Variants in SMARCC1 observed in about 807,000 individuals in gnomAD.
The protein encoded by SMARCC1 is SWI/SNF related BAF chromatin remodeling complex subunit C1, also known as SWI/SNF complex subunit SMARCC1.
Under a neutral mutation model 147.4 loss-of-function variants are expected in SMARCC1, and 43 were observed. The ratio of observed to expected loss-of-function variants is 0.29; its 90% confidence interval spans 0.23 to 0.38. The LOEUF (loss-of-function observed/expected upper bound fraction) is 0.38, where lower values mean the gene tolerates loss of function less well. Ranked by LOEUF, SMARCC1 falls within the 10% of genes least tolerant of loss-of-function variation. The probability of loss-of-function intolerance (pLI) is 1.00; values close to 1 mark genes in which losing one functional copy is unlikely to be tolerated. For missense variants in SMARCC1, 1,119 were observed against 1,381.1 expected (o/e 0.81, Z 3.01); for synonymous variants, 495 against 484.4 (o/e 1.02, Z -0.29).
chr3:47,610,115 G>A lies in SMARCC1; in HGVS notation c.2994C>T (p.Pro998=), dbSNP rs772248596. Reference sequence around the variant, plus strand: ...GCATCTGGTGGTGCATCAGAGGGTAGGGAGGGGGCTGTTGATGAGGCATCA... The same window carrying A: ...GCATCTGGTGGTGCATCAGAGGGTAAGGAGGGGGCTGTTGATGAGGCATCA... The part of the protein sequence containing the change: ...PGMMPHQQPP[P]YPLMHHQMPP... Residue 998 remains proline, a synonymous_variant, in exon 26 of 28, where the codon CCC becomes CCT. Transcript: ENST00000254480. 6.2e-7 allele frequency: 1 copy of A among 1,613,384 alleles called. No homozygotes were observed. The highest frequency in any genetic ancestry group is 8.5e-7 in the Non-Finnish European group (1 of 1,180,014).
rs2033897417 is a variant in SMARCC1, at chr3:47,699,944, C to A, written c.1165+1334G>T. On this transcript the variant is annotated intron_variant, in intron 11 of 27. Transcript: ENST00000254480. ...ATACTCTTTTCTGTCTGTCACTGTA[C>A]AAGTTTAGGGCAGGAGAGATGGTTA... Among the ~76,000 whole-genome samples the A allele has an allele frequency of 5.3e-5, 8 of 151,790 alleles. No homozygotes were observed. In the South Asian group the frequency reaches 8.3e-4, roughly 16 times the overall value.
intron 13 of SMARCC1, among the ~76,000 whole-genome samples, chr3:47,686,809 A>T (rs1559645102): frequency 1.3e-5 from 2 of 152,126 alleles, no homozygotes. Flanking sequence ...ACATAGTCAG[A>T]CTTTGTCTCT....
At chr3:47,740,986 T>C (rs967859665) in intron 3 of SMARCC1, among the ~76,000 whole-genome samples, 1 of 151,722 alleles carries the variant, frequency 6.6e-6, no homozygotes, top group Non-Finnish European at 1.5e-5. Flanking sequence ...AACAACCAGA[T>C]ATTGTATACC....
At chr3:47,761,997 G>C (rs2034779580) in intron 2 of SMARCC1, among the ~76,000 whole-genome samples, 1 of 152,020 alleles carries the variant, frequency 6.6e-6, no homozygotes, top group Non-Finnish European at 1.5e-5. Context: ...GACCAGCCTG[G>C]TCCAGAACTC....
chr3:47,730,353 G>C (rs2034355705), intron 5 of SMARCC1, among the ~76,000 whole-genome samples: 1 of 152,076 alleles, frequency 6.6e-6, no homozygotes, highest in Admixed American at 6.6e-5. Flanking sequence ...CGGCACTTTT[G>C]TGCCTGTAGT....
intron 3 of SMARCC1, among the ~76,000 whole-genome samples, chr3:47,738,729 T>C (rs2034474483): frequency 1.3e-5 from 2 of 152,278 alleles, no homozygotes; most frequent in South Asian, 4.1e-4. Flanking sequence ...ATCTGTGTTC[T>C]CTTAGATAAA....
intron 5 of SMARCC1, among the ~76,000 whole-genome samples, chr3:47,730,750 CA>C (rs1161142986): frequency 6.6e-6 from 1 of 151,852 alleles, no homozygotes; most frequent in African/African-American, 2.4e-5. Context: ...CCTATAATCC[CA>C]GCTACTCAGG....
chr3:47,599,077 A>G (rs1576382988), intron 26 of SMARCC1, among the ~76,000 whole-genome samples: 1 of 151,948 alleles, frequency 6.6e-6, no homozygotes, highest in East Asian at 1.9e-4. Context: ...GTAAGAATAC[A>G]TTTCTCTTGT....
chr3:47,753,584 C>T (rs558649209), intron 2 of SMARCC1, among the ~76,000 whole-genome samples: 1 of 151,358 alleles, frequency 6.6e-6, no homozygotes, highest in Non-Finnish European at 1.5e-5. Flanking sequence ...CGTGGTGGTG[C>T]ATGCCTGTAA....
chr3:47,656,195 A>G (rs2033259761), intron 21 of SMARCC1, among the ~76,000 whole-genome samples: 1 of 152,158 alleles, frequency 6.6e-6, no homozygotes, highest in South Asian at 2.1e-4. Context: ...TGGGTGACAG[A>G]GGAAGACTCC....
intron 4 of SMARCC1, 98 bp from the exon 5 acceptor site, chr3:47,736,224 G>C: frequency 7.8e-6 from 5 of 639,622 alleles, no homozygotes; most frequent in Non-Finnish European, 1.3e-5. Context: ...AACCTTTTCT[G>C]CCACAAAAAA....
At chr3:47,651,677 C>T (rs1382594410) in intron 21 of SMARCC1, among the ~76,000 whole-genome samples, 3 of 152,236 alleles carry the variant, frequency 2.0e-5, no homozygotes, top group Non-Finnish European at 4.4e-5. Flanking sequence ...CATATCCTTG[C>T]AACCCTGCTT....
At chr3:47,738,291 G>GT (rs2034469473) in intron 3 of SMARCC1, among the ~76,000 whole-genome samples, 181 bp from the exon 4 acceptor site, 1 of 152,150 alleles carries the variant, frequency 6.6e-6, no homozygotes, top group Non-Finnish European at 1.5e-5. Flanking sequence ...TTATAAAAGA[G>GT]ATATTAAGAT....
intron 19 of SMARCC1, among the ~76,000 whole-genome samples, chr3:47,667,500 T>TCA (rs1242246360): frequency 6.6e-6 from 1 of 152,186 alleles, no homozygotes; most frequent in African/African-American, 2.4e-5. Flanking sequence ...ATCAGTGAGC[T>TCA]CACAAATTCA....
At position 47,623,176 on chromosome 3, in the gene SMARCC1, T is replaced by TA. The variant is rs35509187; in HGVS notation, c.2647-836dup. Among the ~76,000 whole-genome samples the TA allele has an allele frequency of 6.9e-3, 689 of 100,102 alleles. 9 individuals carry two copies. The highest frequency in any genetic ancestry group is 0.023 in the African/African-American group (565 of 25,100). 65.7% of individuals were successfully genotyped at this position (100,102 alleles called of 152,430 possible). A position where few individuals can be genotyped will look rare whatever the true frequency, so the allele number is the denominator to read the frequency against. On this transcript the variant is annotated intron_variant, in intron 24 of 27. Transcript: ENST00000254480. The stretch of plus-strand genomic sequence containing the variant: ...TTTTTTAAAGAAGCAGGGTTCTTCA[T>TA]AAAAAAAAAAAAAAAACCTATGTTG...
At chr3:47,704,541 T>C (rs1353541629) in intron 10 of SMARCC1, among the ~76,000 whole-genome samples, 2 of 152,160 alleles carry the variant, frequency 1.3e-5, no homozygotes, top group African/African-American at 4.8e-5. Flanking sequence ...TTTTATCTCA[T>C]TATAGTTGAC....
chr3:47,655,109 G>A (rs1050508809), intron 21 of SMARCC1, among the ~76,000 whole-genome samples: 1 of 152,214 alleles, frequency 6.6e-6, no homozygotes, highest in Non-Finnish European at 1.5e-5. Context: ...TTTTAGGTTT[G>A]AAAGGACCTC....
chr3:47,627,740 T>G (rs2032832638), intron 24 of SMARCC1, among the ~76,000 whole-genome samples: 1 of 152,166 alleles, frequency 6.6e-6, no homozygotes, highest in Non-Finnish European at 1.5e-5. Context: ...GATGTTTTTT[T>G]GAGACAGGAT....
At chr3:47,731,120 C>T (rs890980988) in intron 5 of SMARCC1, among the ~76,000 whole-genome samples, 5 of 152,174 alleles carry the variant, frequency 3.3e-5, no homozygotes, top group Non-Finnish European at 7.3e-5. Context: ...CTTTCAAAAC[C>T]CTGCTGCTTG....
Sources: gnomAD v4.1 joint callset for allele counts (sites outside exome capture counted in the v4.1 genomes callset) on GRCh38, gnomAD v4.1.1 for gene constraint, MANE v1.5 for transcripts, NCBI Gene and HGNC (gene_info 2026-07-23, HGNC 2026-07-21) for gene names.